The following PAFAH2 variants were observed in gnomAD, a reference collection of about 807,000 sequenced individuals.
PAFAH2 encodes the protein platelet-activating factor acetylhydrolase 2, cytoplasmic.
PAFAH2 carries 42 observed loss-of-function variants against 49.0 expected under a neutral mutation model. The observed-to-expected ratio is 0.86, with a 90% CI of 0.67 to 1.11. The LOEUF is 1.11. PAFAH2 is among the 50% of genes least tolerant of loss of function. The pLI is 0.00. For missense variants in PAFAH2, 503 were observed against 501.8 expected, an observed-to-expected ratio of 1.00 and a Z score of -0.02; for synonymous variants, 184 against 181.3, an observed-to-expected ratio of 1.01 and a Z score of -0.12.
At chr1:25,976,089 T>C (rs2049584136) in intron 8 of PAFAH2, among the ~76,000 whole-genome samples, 1 of 152,202 alleles carries the variant, frequency 6.6e-6, no homozygotes, top group Non-Finnish European at 1.5e-5. Flanking sequence ...CACGACTGGC[T>C]TCTTTGCCTT....
intron 2 of PAFAH2, 82 bp downstream of exon 2, chr1:25,990,645 T>C (rs1203747819): frequency 8.7e-7 from 1 of 1,153,074 alleles, no homozygotes; most frequent in African/African-American, 1.5e-5. Context: ...ACCGTGGGAA[T>C]ACAGGATCAG....
In PAFAH2 at chr1:25,960,801, TTC is replaced by T. The variant is rs2049327761; in HGVS notation, c.*1186_*1187del. On this transcript the variant is annotated 3_prime_UTR_variant, in exon 11 of 11. Transcript: ENST00000374282. Reference sequence around the variant, plus strand: ...TTTAAATTTTATTTATTTTAAATTTTTCTTTTTCTTTTTTTTTTTTTTAAGAC... The same window carrying T: ...TTTAAATTTTATTTATTTTAAATTTTTTTTTCTTTTTTTTTTTTTTAAGAC... The T allele has an allele frequency of 2.9e-5, 3 of 104,894 alleles. No homozygotes were observed. The highest frequency in any genetic ancestry group is 6.2e-5 in the African/African-American group (2 of 32,456). 6.5% of individuals were successfully genotyped at this position (104,894 alleles called of 1,614,324 possible).
chr1:25,969,777 A>T (rs186101481), intron 10 of PAFAH2, among the ~76,000 whole-genome samples: 43 of 152,262 alleles, frequency 2.8e-4, no homozygotes, highest in Non-Finnish European at 5.0e-4. Flanking sequence ...AGGGAGCCCA[A>T]TCGTGCCATG....
Position 25,961,123 on chromosome 1 carries a change from G to A in PAFAH2, c.*866C>T, listed in dbSNP as rs1380708526. On this transcript the variant is annotated 3_prime_UTR_variant, in exon 11 of 11. Coordinates refer to ENST00000374282, the MANE Select transcript of PAFAH2 (RefSeq NM_000437.4). ...GCCCAGCCTTCTTTATTTTTAAGAT[G>A]GGGTCTCGCTCTACTGTCCAGGCTG... 6.6e-6 allele frequency: 1 copy of A among 152,272 alleles called. No individual in the cohort carries two copies. The highest frequency in any genetic ancestry group is 1.9e-4 in the East Asian group (1 of 5,196). 9.4% of individuals were successfully genotyped at this position (152,272 alleles called of 1,614,324 possible). A position where few individuals can be genotyped will look rare whatever the true frequency, so the allele number is the denominator to read the frequency against.
chr1:25,979,601 C>T (rs2124344973), intron 7 of PAFAH2, among the ~76,000 whole-genome samples: 1 of 152,226 alleles, frequency 6.6e-6, no homozygotes, highest in East Asian at 1.9e-4. Context: ...GATTCTCCTG[C>T]CTCAGCCTCC....
intron 10 of PAFAH2, among the ~76,000 whole-genome samples, chr1:25,962,490 G>A (rs1255091404): frequency 6.6e-6 from 1 of 152,116 alleles, no homozygotes; most frequent in Non-Finnish European, 1.5e-5. Context: ...GGTCATTAGA[G>A]CTATTAAGTG....
rs779769461 is a variant in PAFAH2 at position 25,983,992 on chromosome 1, C to T, written c.506G>A (p.Arg169His). 2.5e-5 allele frequency: 41 copies of T among 1,614,044 alleles called. No homozygotes were observed. The highest frequency in any genetic ancestry group is 6.7e-5 in the Admixed American group (4 of 60,004). The change falls in exon 6 of 11, where the codon CGT becomes CAT. Residue 169 changes from arginine to histidine, a missense_variant. By Grantham distance (29) the Arg-to-His change is conservative (BLOSUM62 0). Coordinates refer to ENST00000374282, the MANE Select transcript of PAFAH2 (RefSeq NM_000437.4). ...TTCCTTCTCCCCTTCCTCAACTCGA[C>T]GGAAAGGGATCCATTCCTCCTGCAG... ...ESLQEEWIPFRRVEEGEKEFH... is the reference protein window; with the variant it reads ...ESLQEEWIPFHRVEEGEKEFH...
intron 10 of PAFAH2, among the ~76,000 whole-genome samples, chr1:25,963,301 A>C (rs905314785): frequency 2.0e-5 from 3 of 152,218 alleles, no homozygotes; most frequent in Non-Finnish European, 4.4e-5. Context: ...TGAGCTAAAA[A>C]TATATCCACA....
At chr1:25,993,958 G>GT (rs35710365) in intron 1 of PAFAH2, among the ~76,000 whole-genome samples, 2 of 152,116 alleles carry the variant, frequency 1.3e-5, no homozygotes, top group African/African-American at 4.8e-5. Flanking sequence ...CAAAGGCACG[G>GT]TAAGAAGGAA....
At chr1:25,969,572 G>A (rs1179520766) in intron 10 of PAFAH2, among the ~76,000 whole-genome samples, 2 of 152,174 alleles carry the variant, frequency 1.3e-5, no homozygotes, top group African/African-American at 4.8e-5. Context: ...CCTGTAAAAT[G>A]CAGTTAATAA....
rs954105815 is a variant in PAFAH2 at position 25,961,723 on chromosome 1, C to G, written c.*266G>C. ...GCTCAGCCCGGGGCCTGGGTCTCCCCCAGTCCCACTCTACTGCTTGTTCCC... is the reference window on the plus strand; with the variant it reads ...GCTCAGCCCGGGGCCTGGGTCTCCCGCAGTCCCACTCTACTGCTTGTTCCC... On this transcript the variant is annotated 3_prime_UTR_variant, in exon 11 of 11. Coordinates refer to ENST00000374282, the MANE Select transcript of PAFAH2 (RefSeq NM_000437.4). 2.8e-5 allele frequency: 10 copies of G among 350,908 alleles called. No individual in the cohort carries two copies. The highest frequency in any genetic ancestry group is 1.8e-4 in the Admixed American group (4 of 22,452). The allele number at this position is 350,908 out of a possible 1,614,324, so 21.7% of individuals were successfully genotyped here. A position where few individuals can be genotyped will look rare whatever the true frequency, so the allele number is the denominator to read the frequency against.
Position 25,961,933 on chromosome 1 carries a change from G to T in PAFAH2, c.*56C>A, listed in dbSNP as rs1316108371. 3.0e-6 allele frequency: 4 copies of T among 1,346,212 alleles called. No homozygotes were observed. Among genetic ancestry groups the T allele is most frequent in the Non-Finnish European group, 3.2e-6 (3 of 939,640 alleles). 83.4% of individuals were successfully genotyped at this position (1,346,212 alleles called of 1,614,324 possible). On this transcript the variant is annotated 3_prime_UTR_variant, in exon 11 of 11. Coordinates refer to ENST00000374282, the MANE Select transcript of PAFAH2 (RefSeq NM_000437.4). ...TTGATAGGAGCTCATGGGTGCCCTT[G>T]GGTAGCTCCCAAATGAAAACTTGGC...
At chr1:25,976,316 T>C (rs577046680) in intron 8 of PAFAH2, among the ~76,000 whole-genome samples, 9 of 152,164 alleles carry the variant, frequency 5.9e-5, no homozygotes, top group Non-Finnish European at 8.8e-5. Context: ...TTTGTTTTTT[T>C]CAATTTTTTG....
At chr1:25,966,196 G>GA (rs1572339451) in intron 10 of PAFAH2, among the ~76,000 whole-genome samples, 1 of 152,156 alleles carries the variant, frequency 6.6e-6, no homozygotes, top group East Asian at 1.9e-4. Context: ...AACTTCCATG[G>GA]AAAACGGTAT....
At chr1:25,963,568 A>G (rs1238108682) in intron 10 of PAFAH2, among the ~76,000 whole-genome samples, 2 of 152,156 alleles carry the variant, frequency 1.3e-5, no homozygotes, top group East Asian at 1.9e-4. Context: ...GCAGTGGTCA[A>G]TCTCGGCTCA....
At chr1:25,965,465 C>A (rs1163807174) in intron 10 of PAFAH2, among the ~76,000 whole-genome samples, 1 of 152,128 alleles carries the variant, frequency 6.6e-6, no homozygotes, top group South Asian at 2.1e-4. Context: ...AGACAACCTA[C>A]AGAATGGAAG....
chr1:25,983,249 T>C (rs2049721043), intron 6 of PAFAH2, among the ~76,000 whole-genome samples: 1 of 151,834 alleles, frequency 6.6e-6, no homozygotes, highest in Non-Finnish European at 1.5e-5. Flanking sequence ...AATTGTGTGG[T>C]GGTGTGTGCC....
chr1:25,976,692 T>C lies in PAFAH2; in HGVS notation c.748A>G (p.Thr250Ala), dbSNP rs1272252873. 1 of 1,613,796 alleles carries C rather than the reference T, an allele frequency of 6.2e-7. No homozygotes were observed. Among genetic ancestry groups the C allele is most frequent in the Non-Finnish European group, 8.5e-7 (1 of 1,179,716 alleles). ...TACTAGGAAACTCACCGAAATTGGG[T>C]CTCCTTGGCCAAAGCCAGAATAGCT... Reference protein sequence around the residue: ...ATAILALAKETQFRCAVALDA... With the variant: ...ATAILALAKEAQFRCAVALDA... The change falls in exon 8 of 11, where the codon ACC becomes GCC. Residue 250 changes from threonine to alanine, a missense_variant. Thr to Ala is a moderately conservative substitution (Grantham distance 58). Coordinates refer to ENST00000374282, the MANE Select transcript of PAFAH2 (RefSeq NM_000437.4).
At chr1:25,983,140 C>G (rs2049718778) in intron 6 of PAFAH2, among the ~76,000 whole-genome samples, 1 of 152,102 alleles carries the variant, frequency 6.6e-6, no homozygotes, top group Non-Finnish European at 1.5e-5. Flanking sequence ...CCTATATCTC[C>G]AGCACTTTGG....
Sources: gnomAD v4.1 joint callset for allele counts (sites outside exome capture counted in the v4.1 genomes callset) on GRCh38, gnomAD v4.1.1 for gene constraint, MANE v1.5 for transcripts, NCBI Gene and HGNC (gene_info 2026-07-23, HGNC 2026-07-21) for gene names.